CTNND2: variants seen among roughly 807,000 people sequenced by gnomAD.
CTNND2 encodes catenin delta 2, also known as catenin delta-2.
Under a neutral mutation model 144.4 loss-of-function variants are expected in CTNND2, and 22 were observed. That is an observed-to-expected ratio of 0.15 (90% CI 0.11 to 0.22). CTNND2 has a LOEUF of 0.22. Among genes scored for constraint, CTNND2 ranks in the 10% least tolerant of loss-of-function variants. The pLI is 1.00. For missense variants in CTNND2, 1,353 were observed against 1,618.8 expected (o/e 0.84, Z 2.82); for synonymous variants, 751 against 695.6 (o/e 1.08, Z -1.25).
chr5:11,149,374 T>C (rs1300258189), intron 12 of CTNND2, among the ~76,000 whole-genome samples: 1 of 152,186 alleles, frequency 6.6e-6, no homozygotes, highest in African/African-American at 2.4e-5. Context: ...GGAAGAACAA[T>C]GGTCTGGACA....
chr5:11,642,012 G>A (rs764995349), intron 2 of CTNND2, among the ~76,000 whole-genome samples: 2 of 151,862 alleles, frequency 1.3e-5, no homozygotes, highest in Admixed American at 6.6e-5. Context: ...TAAGGTTTAG[G>A]GTAATTGTTT....
chr5:11,024,637 GAC>G (rs1742630913), intron 16 of CTNND2, among the ~76,000 whole-genome samples: 1 of 152,166 alleles, frequency 6.6e-6, no homozygotes, highest in Non-Finnish European at 1.5e-5. Context: ...TATATACGGG[GAC>G]ATTTACACCC....
chr5:11,377,386 C>T (rs1758045778), intron 7 of CTNND2, among the ~76,000 whole-genome samples: 1 of 152,044 alleles, frequency 6.6e-6, no homozygotes, highest in African/African-American at 2.4e-5. Context: ...GACTTCATTC[C>T]CTATTGTATT....
rs370383833 is a variant in CTNND2, at chr5:11,545,956, A to G, written c.287+18988T>C. 2.0e-5 allele frequency among the ~76,000 whole-genome samples: 3 copies of G among 152,302 alleles called. No individual in the cohort carries two copies. In the East Asian group the frequency reaches 5.8e-4, roughly 29 times the overall value. On this transcript the variant is annotated intron_variant, in intron 3 of 21. Coordinates refer to ENST00000304623, the MANE Select transcript of CTNND2 (RefSeq NM_001332.4). ...ATACCTATATCATTAACTATGATTTATCCATACAATGGTATATTGTTTGGC... is the reference window on the plus strand; with the variant it reads ...ATACCTATATCATTAACTATGATTTGTCCATACAATGGTATATTGTTTGGC...
chr5:11,866,812 A>T (rs1795790745), intron 1 of CTNND2, among the ~76,000 whole-genome samples: 1 of 152,226 alleles, frequency 6.6e-6, no homozygotes, highest in African/African-American at 2.4e-5. Context: ...TTCTCTTGGA[A>T]TTCTTCGCGT....
At chr5:11,631,599 A>G (rs1781418615) in intron 2 of CTNND2, among the ~76,000 whole-genome samples, 1 of 152,196 alleles carries the variant, frequency 6.6e-6, no homozygotes, top group South Asian at 2.1e-4. Flanking sequence ...AGAGCTACGC[A>G]GTGTTTCCAG....
intron 1 of CTNND2, among the ~76,000 whole-genome samples, chr5:11,795,625 A>G (rs567839622): frequency 1.8e-4 from 27 of 152,356 alleles, no homozygotes; most frequent in East Asian, 7.7e-4. Flanking sequence ...AGACAGGTTT[A>G]GAATGTGGAC....
intron 8 of CTNND2, among the ~76,000 whole-genome samples, chr5:11,347,955 T>C (rs61750699): frequency 0.017 from 2,629 of 152,260 alleles, 41 homozygotes; most frequent in Admixed American, 0.034. Context: ...ATACCGAGGA[T>C]TGACTTAAGA....
chr5:11,411,686 A>C, intron 4 of CTNND2, 34 bp from the exon 5 acceptor site: 1 of 1,225,390 alleles, frequency 8.2e-7, no homozygotes, highest in Non-Finnish European at 1.2e-6. Context: ...ATGAACAAAC[A>C]CATGGTATAT....
chr5:11,523,743 T>C (rs1355615859), intron 3 of CTNND2, among the ~76,000 whole-genome samples: 3 of 152,166 alleles, frequency 2.0e-5, no homozygotes, highest in African/African-American at 4.8e-5. Context: ...TTTTTTCTGG[T>C]TGGATTGCCT....
chr5:11,434,600 C>A (rs767253281), intron 3 of CTNND2, among the ~76,000 whole-genome samples: 1 of 151,858 alleles, frequency 6.6e-6, no homozygotes, highest in Non-Finnish European at 1.5e-5. Flanking sequence ...TGACTTTCCA[C>A]GAAATGCATC....
intron 3 of CTNND2, among the ~76,000 whole-genome samples, chr5:11,475,955 G>C (rs1767690145): frequency 6.6e-6 from 1 of 151,934 alleles, no homozygotes; most frequent in African/African-American, 2.4e-5. Flanking sequence ...ACCTCCCCAG[G>C]CTGAGGTGAT....
intron 2 of CTNND2, among the ~76,000 whole-genome samples, chr5:11,647,313 C>T (rs1328254167): frequency 6.6e-6 from 1 of 152,092 alleles, no homozygotes; most frequent in Non-Finnish European, 1.5e-5. Flanking sequence ...GTCTAAGTTC[C>T]AACAAAATAA....
chr5:11,508,905 G>C (rs1291769555), intron 3 of CTNND2, among the ~76,000 whole-genome samples: 1 of 147,254 alleles, frequency 6.8e-6, no homozygotes, highest in African/African-American at 2.5e-5. Context: ...AGTGAGACTC[G>C]TTTTCAAAAA....
intron 9 of CTNND2, among the ~76,000 whole-genome samples, chr5:11,276,614 G>C (rs1746560369): frequency 1.3e-5 from 2 of 152,154 alleles, no homozygotes; most frequent in Non-Finnish European, 2.9e-5. Context: ...CCCCCAAAAA[G>C]ATACATCCAA....
At chr5:11,102,713 A>G (rs1307758322) in intron 14 of CTNND2, among the ~76,000 whole-genome samples, 1 of 152,164 alleles carries the variant, frequency 6.6e-6, no homozygotes, top group African/African-American at 2.4e-5. Context: ...TGGAAAAAAA[A>G]GAGGATATCA....
chr5:11,081,131 T>C (rs1376251152), intron 16 of CTNND2, among the ~76,000 whole-genome samples: 1 of 123,108 alleles, frequency 8.1e-6, no homozygotes, highest in Non-Finnish European at 2.0e-5. Context: ...CAAACATGCT[T>C]TGTAGAAGCA....
intron 21 of CTNND2, among the ~76,000 whole-genome samples, chr5:10,975,459 AATCC>A (rs1374846906): frequency 6.6e-6 from 1 of 152,130 alleles, no homozygotes; most frequent in Non-Finnish European, 1.5e-5. Context: ...TCCACCCACC[AATCC>A]ATCCATCCAT....
intron 18 of CTNND2, among the ~76,000 whole-genome samples, chr5:10,994,235 GGCGGGGATAGAGGA>G (rs1321271725): frequency 8.1e-6 from 1 of 123,310 alleles, no homozygotes; most frequent in Non-Finnish European, 1.7e-5. Flanking sequence ...GACGAGCAGG[GGCGGGGATAGAGGA>G]GCGGGGTGGG....
Sources: gnomAD v4.1 joint callset for allele counts (sites outside exome capture counted in the v4.1 genomes callset) on GRCh38, gnomAD v4.1.1 for gene constraint, MANE v1.5 for transcripts, NCBI Gene and HGNC (gene_info 2026-07-23, HGNC 2026-07-21) for gene names.